The following PHF21B variants were observed in gnomAD, a reference collection of about 807,000 sequenced individuals.
PHF21B encodes PHD finger protein 21B.
A neutral mutation model predicts 62.2 loss-of-function variants in PHF21B; 22 were observed. That is an observed-to-expected ratio of 0.35 (90% CI 0.25 to 0.51). The LOEUF is 0.51. PHF21B is among the 20% of genes least tolerant of loss of function. PHF21B has a pLI of 0.97. For synonymous variants in PHF21B, 341 were observed against 314.7 expected (o/e 1.08, Z -0.88); for missense variants, 701 against 707.9 (o/e 0.99, Z 0.11).
chr22:44,939,141 T>C (rs1194356156), intron 2 of PHF21B, among the ~76,000 whole-genome samples: 1 of 152,108 alleles, frequency 6.6e-6, no homozygotes, highest in Non-Finnish European at 1.5e-5. Flanking sequence ...AAACTCAAGA[T>C]CGGCTCAGAC....
rs565349274 is a variant in PHF21B at position 44,996,283 on chromosome 22, C to G, written c.120+12262G>C. On this transcript the variant is annotated intron_variant, in intron 2 of 12. Transcript: ENST00000313237. ...CAGCCACAGAGTCCCTGATGAGTCTCAAGATTTCTGAATCACAGAATCTCA... is the reference window on the plus strand; with the variant it reads ...CAGCCACAGAGTCCCTGATGAGTCTGAAGATTTCTGAATCACAGAATCTCA... Among the ~76,000 whole-genome samples, 7 of 152,270 alleles carry G rather than the reference C, an allele frequency of 4.6e-5. No individual in the cohort carries two copies. The East Asian group carries it at 1.2e-3, about 25-fold the overall frequency.
chr22:44,989,575 G>A (rs1441695050), intron 2 of PHF21B: 1 of 144,230 alleles, frequency 6.9e-6, no homozygotes, highest in African/African-American at 2.6e-5. Flanking sequence ...TATAATAATA[G>A]AACGTCTACA....
chr22:45,009,571 T>C lies in PHF21B; in HGVS notation c.-22A>G. 6.4e-7 allele frequency: 1 copy of C among 1,555,340 alleles called. No individual in the cohort carries two copies. Among genetic ancestry groups the C allele is most frequent in the East Asian group, 2.4e-5 (1 of 41,118 alleles). On this transcript the variant is annotated 5_prime_UTR_variant, in exon 1 of 13. Coordinates refer to ENST00000313237, the MANE Select transcript of PHF21B (RefSeq NM_138415.5). The surrounding 1 kb of genome is among the most constrained non-coding windows in gnomAD (Gnocchi z 5.9). The stretch of plus-strand genomic sequence containing the variant: ...CCATCCCGGCAACTTGGGCAGCACT[T>C]TGCGCTCACTTTGGCCCGGGCTCCC...
At chr22:45,007,913 G>A (rs376992877) in intron 2 of PHF21B, among the ~76,000 whole-genome samples, 7 of 152,044 alleles carry the variant, frequency 4.6e-5, no homozygotes, top group East Asian at 3.9e-4. Context: ...GGCCCGGAGG[G>A]GGGGGAGCGG....
At chr22:45,008,518 A>AG (rs781024168) in intron 2 of PHF21B, 27 bp downstream of exon 2, 42 of 1,536,144 alleles carry the variant, frequency 2.7e-5, no homozygotes, top group South Asian at 1.3e-4. Flanking sequence ...GCCCCATCCC[A>AG]GGGGGGGCCG....
At chr22:45,007,084 G>C (rs1054835809) in intron 2 of PHF21B, among the ~76,000 whole-genome samples, 5 of 151,780 alleles carry the variant, frequency 3.3e-5, no homozygotes, top group African/African-American at 9.7e-5. Context: ...ACTCCCGGAC[G>C]GGGGCGCGCG....
intron 5 of PHF21B, among the ~76,000 whole-genome samples, chr22:44,905,524 T>C (rs1035158104): frequency 6.6e-6 from 1 of 152,246 alleles, no homozygotes; most frequent in Non-Finnish European, 1.5e-5. Flanking sequence ...CTGGAATAAA[T>C]TCATGTTCGA....
At chr22:44,979,721 T>C (rs1464002421) in intron 2 of PHF21B, among the ~76,000 whole-genome samples, 3 of 152,196 alleles carry the variant, frequency 2.0e-5, no homozygotes, top group African/African-American at 7.2e-5. Context: ...TTTATGGTGT[T>C]TGGGCTTTCA....
intron 2 of PHF21B, among the ~76,000 whole-genome samples, chr22:44,974,368 C>T (rs140082161): frequency 6.6e-6 from 1 of 150,822 alleles, no homozygotes; most frequent in African/African-American, 2.4e-5. Context: ...GAGCCATGAT[C>T]GCACCACTGC....
intron 2 of PHF21B, among the ~76,000 whole-genome samples, chr22:44,955,939 G>T (rs2072287647): frequency 6.6e-6 from 1 of 152,210 alleles, no homozygotes; most frequent in Non-Finnish European, 1.5e-5. Context: ...GAGTGGTGAG[G>T]CTGAGGGCAC....
intron 2 of PHF21B, among the ~76,000 whole-genome samples, chr22:44,925,619 A>G (rs892795486): frequency 1.3e-5 from 2 of 152,166 alleles, no homozygotes; most frequent in African/African-American, 4.8e-5. Flanking sequence ...GGAGCCCATG[A>G]CAAACAGCCT....
At chr22:44,986,089 C>T (rs2072942588) in intron 2 of PHF21B, among the ~76,000 whole-genome samples, 1 of 151,030 alleles carries the variant, frequency 6.6e-6, no homozygotes, top group Admixed American at 6.6e-5. Context: ...ATCACTATGA[C>T]AACCATCCTC....
intron 5 of PHF21B, among the ~76,000 whole-genome samples, chr22:44,910,788 G>A (rs935925973): frequency 6.6e-6 from 1 of 152,224 alleles, no homozygotes; most frequent in Non-Finnish European, 1.5e-5. Flanking sequence ...GGTACCAGTA[G>A]AGTGGGATGT....
chr22:44,997,324 C>G (rs1215090370), intron 2 of PHF21B, among the ~76,000 whole-genome samples: 1 of 152,146 alleles, frequency 6.6e-6, no homozygotes, highest in African/African-American at 2.4e-5. Context: ...GCTGGAATCA[C>G]CTCGAGGGCT....
At chr22:44,953,965 T>A (rs946555045) in intron 2 of PHF21B, among the ~76,000 whole-genome samples, 2 of 152,144 alleles carry the variant, frequency 1.3e-5, no homozygotes, top group African/African-American at 4.8e-5. Flanking sequence ...GAAAGGCAGC[T>A]CAGCGTGCCC....
Position 44,899,021 on chromosome 22 carries a change from C to T in PHF21B, c.832-2938G>A, listed in dbSNP as rs115675158. Among the ~76,000 whole-genome samples the T allele has an allele frequency of 4.1e-3, 620 of 152,268 alleles. 6 individuals carry two copies. The highest frequency in any genetic ancestry group is 0.012 in the African/African-American group (507 of 41,548). On this transcript the variant is annotated intron_variant, in intron 5 of 12. Coordinates refer to ENST00000313237, the MANE Select transcript of PHF21B (RefSeq NM_138415.5). ...TGCCTCTCTAGGAGCTCCTGCCACACGTTCAGTTCTCAAGGCTTTAGGGTC... is the reference window on the plus strand; with the variant it reads ...TGCCTCTCTAGGAGCTCCTGCCACATGTTCAGTTCTCAAGGCTTTAGGGTC...
At chr22:44,891,275 C>G (rs1464360526) in intron 8 of PHF21B, 31 bp downstream of exon 8, 1 of 1,612,312 alleles carries the variant, frequency 6.2e-7, no homozygotes, top group Admixed American at 1.7e-5. Flanking sequence ...CCCTGAGCAG[C>G]TCTGGCAGAA....
intron 4 of PHF21B, among the ~76,000 whole-genome samples, chr22:44,915,959 G>A (rs1908511185): frequency 1.3e-5 from 2 of 152,154 alleles, no homozygotes; most frequent in African/African-American, 4.8e-5. Context: ...GTCATTAATT[G>A]GTTAATCATT....
intron 2 of PHF21B, among the ~76,000 whole-genome samples, chr22:44,944,242 G>C (rs2072019631): frequency 6.6e-6 from 1 of 152,338 alleles, no homozygotes; most frequent in South Asian, 2.1e-4. Context: ...AGCAGAAGCT[G>C]AAAACCACGT....
Sources: gnomAD v4.1 joint callset for allele counts (sites outside exome capture counted in the v4.1 genomes callset) on GRCh38, gnomAD v4.1.1 for gene constraint, Gnocchi (gnomAD v3.1) non-coding constraint, MANE v1.5 for transcripts, NCBI Gene and HGNC (gene_info 2026-07-23, HGNC 2026-07-21) for gene names.